Variants in RAD54B observed in about 807,000 individuals in gnomAD.
The protein encoded by RAD54B is DNA repair and recombination protein RAD54B.
RAD54B carries 78 observed loss-of-function variants against 95.8 expected under a neutral mutation model. The observed-to-expected ratio is 0.81, with a 90% CI of 0.68 to 0.98. The LOEUF is 0.98. Among genes scored for constraint, RAD54B ranks in the 50% least tolerant of loss-of-function variants. The pLI is 0.00. For missense variants in RAD54B, 957 were observed against 1,056.6 expected (o/e 0.91, Z 1.31); for synonymous variants, 328 against 354.9 (o/e 0.92, Z 0.85).
chr8:94,413,768 G>A (rs2130046369), intron 3 of RAD54B, among the ~76,000 whole-genome samples: 1 of 151,610 alleles, frequency 6.6e-6, no homozygotes, highest in East Asian at 1.9e-4. Flanking sequence ...GCCACTGGCT[G>A]GGGTAAAATA....
At chr8:94,414,731 CAG>C (rs1180450572) in intron 3 of RAD54B, among the ~76,000 whole-genome samples, 4 of 152,060 alleles carry the variant, frequency 2.6e-5, no homozygotes, top group African/African-American at 7.2e-5. Flanking sequence ...AACAGACAAA[CAG>C]AGAGCCAAAT....
intron 2 of RAD54B, among the ~76,000 whole-genome samples, chr8:94,466,720 T>C (rs1282851197): frequency 6.6e-6 from 1 of 152,010 alleles, no homozygotes; most frequent in African/African-American, 2.4e-5. Flanking sequence ...ATTCACTTTT[T>C]ACAGATAAAA....
intron 2 of RAD54B, 40 bp downstream of exon 2, chr8:94,467,365 T>A (rs1290832129): frequency 1.3e-6 from 2 of 1,497,532 alleles, no homozygotes; most frequent in Non-Finnish European, 1.8e-6. Context: ...CATACATGCT[T>A]CTCTATATTA....
chr8:94,454,677 G>A (rs1812741002), intron 3 of RAD54B, among the ~76,000 whole-genome samples: 1 of 152,082 alleles, frequency 6.6e-6, no homozygotes, highest in South Asian at 2.1e-4. Flanking sequence ...ACCTTCATTT[G>A]GCAAGAGTAT....
chr8:94,425,108 G>A (rs1369204917), intron 3 of RAD54B, among the ~76,000 whole-genome samples: 1 of 149,926 alleles, frequency 6.7e-6, no homozygotes, highest in East Asian at 2.0e-4. Flanking sequence ...TTGATAAAGG[G>A]AAATAATGTC....
rs1324069238 is a variant in RAD54B at position 94,458,454 on chromosome 8, A to G, written c.136-18T>C. ...GCAACACCCTAAAAGAAACAAATAT[A>G]TATTTAAATCAGAACTCAAACCTAA... On this transcript the variant is annotated intron_variant, in intron 2 of 14. Coordinates refer to ENST00000336148, the MANE Select transcript of RAD54B (RefSeq NM_012415.3). The G allele has an allele frequency of 5.9e-6, 9 of 1,526,378 alleles. No homozygotes were observed. Among genetic ancestry groups the G allele is most frequent in the African/African-American group, 1.4e-5 (1 of 70,750 alleles). The allele number at this position is 1,526,378 out of a possible 1,614,324, so 94.6% of individuals were successfully genotyped here.
At chr8:94,422,752 T>TTATATATATA (rs369490267) in intron 3 of RAD54B, among the ~76,000 whole-genome samples, 79 of 125,402 alleles carry the variant, frequency 6.3e-4, no homozygotes, top group South Asian at 2.4e-3. Context: ...CCACAAAAAA[T>TTATATATATA]TATATATATA....
intron 3 of RAD54B, chr8:94,430,907 A>C: frequency 1.0e-6 from 1 of 985,358 alleles, no homozygotes; most frequent in Non-Finnish European, 1.2e-6. Context: ...ACTTAAAATC[A>C]ATGGCTTAGC....
rs1269646949 is a variant in RAD54B at position 94,400,416 on chromosome 8, C to G, written c.992G>C (p.Gly331Ala). Residue 331 changes from glycine to alanine, a missense_variant, in exon 7 of 15, where the codon GGG (glycine) becomes GCG (alanine). Physicochemically the swap from Gly to Ala is moderately conservative, Grantham distance 60. Transcript: ENST00000336148. ...GAILADEMGL[G>A]KTLQCISLIW... Reference sequence around the variant, plus strand: ...GAGCGAAATACATTGCAATGTCTTCCCTAAACCCATTTCATCAGCAAGAAT... The same window carrying G: ...GAGCGAAATACATTGCAATGTCTTCGCTAAACCCATTTCATCAGCAAGAAT... 6.2e-7 allele frequency: 1 copy of G among 1,613,366 alleles called. No individual in the cohort carries two copies.
chr8:94,468,501 G>A (rs1178502612), intron 1 of RAD54B, among the ~76,000 whole-genome samples: 1 of 151,004 alleles, frequency 6.6e-6, no homozygotes, highest in African/African-American at 2.4e-5. Context: ...TTGAACCTAG[G>A]AGCTTCGTCT....
chr8:94,399,382 T>C (rs1315432488), intron 8 of RAD54B, 32 bp downstream of exon 8: 1 of 1,588,048 alleles, frequency 6.3e-7, no homozygotes, highest in Non-Finnish European at 8.6e-7. Flanking sequence ...AGGCAAAAAT[T>C]CCAAAATATC....
intron 6 of RAD54B, among the ~76,000 whole-genome samples, chr8:94,402,921 T>C (rs1811296991): frequency 6.6e-6 from 1 of 152,174 alleles, no homozygotes; most frequent in Middle Eastern, 3.2e-3. Context: ...TTTAGGAGGT[T>C]AAAATAATTA....
chr8:94,409,798 T>C (rs979724855), intron 4 of RAD54B, among the ~76,000 whole-genome samples: 2 of 152,174 alleles, frequency 1.3e-5, no homozygotes, highest in African/African-American at 4.8e-5. Context: ...CCATGCACAC[T>C]ATACCTTAGG....
At chr8:94,391,562 A>G in intron 10 of RAD54B, 47 bp downstream of exon 10, 1 of 1,570,716 alleles carries the variant, frequency 6.4e-7, no homozygotes, top group Non-Finnish European at 8.6e-7. Flanking sequence ...TTCATATACT[A>G]TAGAACCCTC....
chr8:94,387,389 C>A, intron 10 of RAD54B: 1 of 360,624 alleles, frequency 2.8e-6, no homozygotes, highest in Non-Finnish European at 4.9e-6. Flanking sequence ...ATGCCTGCTA[C>A]CTTCACCCTG....
intron 6 of RAD54B, among the ~76,000 whole-genome samples, chr8:94,403,583 G>T (rs1223409916): frequency 6.6e-6 from 1 of 151,684 alleles, no homozygotes; most frequent in Non-Finnish European, 1.5e-5. Context: ...AGGCTGAGAT[G>T]CAAGAATCAC....
At chr8:94,419,802 G>C (rs118051798) in intron 3 of RAD54B, among the ~76,000 whole-genome samples, 2,901 of 110,850 alleles carry the variant, frequency 0.026, 29 homozygotes, top group Non-Finnish European at 0.041. Flanking sequence ...TAAAATAAAA[G>C]AGGTTGAAAT....
At chr8:94,428,944 TAA>T in intron 3 of RAD54B, 8 of 983,436 alleles carry the variant, frequency 8.1e-6, no homozygotes, top group Non-Finnish European at 8.5e-6. Context: ...TATGGTCAAA[TAA>T]ATAATTTTCT....
At chr8:94,468,895 G>A (rs1224113077) in intron 1 of RAD54B, among the ~76,000 whole-genome samples, 1 of 151,978 alleles carries the variant, frequency 6.6e-6, no homozygotes, top group African/African-American at 2.4e-5. Flanking sequence ...AGGCTGAGGT[G>A]AGGGGGATCC....
Sources: allele counts gnomAD v4.1 joint callset (sites outside exome capture counted in the v4.1 genomes callset), GRCh38; gene constraint gnomAD v4.1.1; transcripts MANE v1.5; gene names NCBI Gene and HGNC (gene_info 2026-07-23, HGNC 2026-07-21).